TNNI3K: variants seen among roughly 807,000 people sequenced by gnomAD.
TNNI3K encodes the protein TNNI3 interacting kinase, also known as serine/threonine-protein kinase TNNI3K.
TNNI3K carries 140 observed loss-of-function variants against 114.5 expected under a neutral mutation model. The observed-to-expected ratio is 1.22, with a 90% CI of 1.07 to 1.41. The LOEUF (loss-of-function observed/expected upper bound fraction) is 1.41, where lower values mean the gene tolerates loss of function less well. Ranked by LOEUF, TNNI3K falls within the 40% of genes most tolerant of loss-of-function variation. The pLI is 0.00. For missense variants in TNNI3K, 1,125 were observed against 1,007.6 expected (o/e 1.12, Z -1.58); for synonymous variants, 347 against 347.5 (o/e 1.00, Z 0.02).
intron 5 of TNNI3K, among the ~76,000 whole-genome samples, chr1:74,297,514 T>TGTGTTTGC (rs1553128487): frequency 1.8e-5 from 2 of 113,240 alleles, no homozygotes; most frequent in African/African-American, 8.5e-5. Context: ...TTGTCCAGTG[T>TGTGTTTGC]GTGTGTGCGT....
At chr1:74,456,944 G>T (rs1294696485) in intron 20 of TNNI3K, among the ~76,000 whole-genome samples, 1 of 152,050 alleles carries the variant, frequency 6.6e-6, no homozygotes, top group African/African-American at 2.4e-5. Context: ...ATATTCAATA[G>T]GTCTCATATT....
chr1:74,507,301 G>A (rs575935689), intron 23 of TNNI3K, among the ~76,000 whole-genome samples: 2 of 144,664 alleles, frequency 1.4e-5, no homozygotes, highest in South Asian at 2.2e-4. Flanking sequence ...GTCTCCTCCT[G>A]TAGGAAGTTG....
At chr1:74,287,060 A>C (rs1356120356) in intron 5 of TNNI3K, among the ~76,000 whole-genome samples, 1 of 151,686 alleles carries the variant, frequency 6.6e-6, no homozygotes, top group East Asian at 1.9e-4. Flanking sequence ...ATTGAACTAA[A>C]AAATTTCACA....
At chr1:74,277,955 G>A (rs1213670325) in intron 5 of TNNI3K, among the ~76,000 whole-genome samples, 1 of 152,058 alleles carries the variant, frequency 6.6e-6, no homozygotes, top group Non-Finnish European at 1.5e-5. Context: ...TGATTTCAAG[G>A]TAATGCACTC....
intron 20 of TNNI3K, among the ~76,000 whole-genome samples, chr1:74,458,061 T>C (rs1438670023): frequency 2.0e-5 from 3 of 152,164 alleles, no homozygotes; most frequent in African/African-American, 4.8e-5. Flanking sequence ...GGTAAGACTT[T>C]TAGATGTGCA....
intron 17 of TNNI3K, chr1:74,370,977 G>A (rs1662565649): frequency 6.6e-6 from 1 of 151,912 alleles, no homozygotes; most frequent in Non-Finnish European, 1.5e-5. Flanking sequence ...ATGGAGCAGT[G>A]TTGGGTGAAG....
At chr1:74,459,540 T>C (rs1278294599) in intron 20 of TNNI3K, among the ~76,000 whole-genome samples, 2 of 152,130 alleles carry the variant, frequency 1.3e-5, no homozygotes, top group Non-Finnish European at 2.9e-5. Flanking sequence ...AACTGAACCA[T>C]AAAATGCAGT....
In TNNI3K at chr1:74,297,522, CGTGTGTGT is replaced by C. The variant is rs10633137; in HGVS notation, c.444+25839_444+25846del. ...TGGCATCTTGTCCAGTGTGTGTGTGCGTGTGTGTGTGTGTGTGTGTGTGTGTGTGTGTA... is the reference window on the plus strand; with the variant it reads ...TGGCATCTTGTCCAGTGTGTGTGTGCGTGTGTGTGTGTGTGTGTGTGTGTA... On this transcript the variant is annotated intron_variant, in intron 5 of 24. Transcript: ENST00000326637. Among the ~76,000 whole-genome samples, 8 of 145,352 alleles carry C rather than the reference CGTGTGTGT, an allele frequency of 5.5e-5. No individual in the cohort carries two copies. The East Asian group carries it at 1.2e-3, about 22-fold the overall frequency.
At chr1:74,480,541 A>G in intron 21 of TNNI3K, 1 of 717,412 alleles carries the variant, frequency 1.4e-6, no homozygotes, top group East Asian at 2.7e-5. Flanking sequence ...CATCTTTCCC[A>G]ATGTAGGAAA....
At chr1:74,477,505 A>T (rs1373845796) in intron 21 of TNNI3K, among the ~76,000 whole-genome samples, 3 of 152,210 alleles carry the variant, frequency 2.0e-5, no homozygotes, top group Non-Finnish European at 4.4e-5. Context: ...CATTATGATG[A>T]TATTTTAAAT....
intron 5 of TNNI3K, among the ~76,000 whole-genome samples, chr1:74,305,346 T>C (rs191798734): frequency 1.3e-5 from 2 of 152,156 alleles, no homozygotes; most frequent in African/African-American, 4.8e-5. Flanking sequence ...TTTTGGAACA[T>C]GCTTTCAGGA....
In TNNI3K at chr1:74,343,153, C is replaced by T. The variant is rs762525642; in HGVS notation, c.906C>T (p.Asn302=). 10 of 1,612,436 alleles carry T rather than the reference C, an allele frequency of 6.2e-6. No homozygotes were observed. The East Asian group carries it at 1.6e-4, about 25-fold the overall frequency. Residue 302 remains asparagine (N), a synonymous_variant, in exon 9 of 25, where the codon AAC becomes AAT. Coordinates refer to ENST00000326637, the MANE Select transcript of TNNI3K (RefSeq NM_015978.3). ...GAACAGAAAGTCTGACTAAGGAAAA[C>T]ATCTTCAGTGAAACAGCTTTTCATA... The part of the protein sequence containing the change: ...ISGTESLTKE[N]IFSETAFHSA...
intron 21 of TNNI3K, chr1:74,483,317 T>G (rs1668594675): frequency 1.4e-6 from 1 of 717,370 alleles, no homozygotes; most frequent in Admixed American, 2.0e-5. Context: ...ACACCACACA[T>G]GACTCAGGGC....
chr1:74,246,520 G>A (rs1264466461), intron 2 of TNNI3K, among the ~76,000 whole-genome samples: 6 of 152,118 alleles, frequency 3.9e-5, no homozygotes, highest in Non-Finnish European at 7.4e-5. Context: ...GAGCTGCTTC[G>A]GCTTTTCTTC....
rs45570835 is a variant in TNNI3K at position 74,384,587 on chromosome 1, T to C, written c.1772+14195T>C. On this transcript the variant is annotated intron_variant, in intron 17 of 24. Transcript: ENST00000326637. ...CATTTTATTTTCTAACCTGCAGCAT[T>C]TCTATGCCTGACTGGAATATTTTTG... 2.4e-3 allele frequency among the ~76,000 whole-genome samples: 360 copies of C among 152,278 alleles called. 1 individual carries two copies. The highest frequency in any genetic ancestry group is 8.0e-3 in the African/African-American group (333 of 41,572).
chr1:74,416,017 G>C (rs1665099851), intron 17 of TNNI3K, among the ~76,000 whole-genome samples: 1 of 152,134 alleles, frequency 6.6e-6, no homozygotes, highest in Admixed American at 6.5e-5. Context: ...AGTCTTCTAG[G>C]ATGACCCAGT....
intron 17 of TNNI3K, among the ~76,000 whole-genome samples, chr1:74,380,742 C>T (rs1454902153): frequency 1.3e-5 from 2 of 152,144 alleles, no homozygotes; most frequent in African/African-American, 4.8e-5. Flanking sequence ...TGTGAATGCC[C>T]TCTTGGCACC....
chr1:74,475,960 C>A (rs1032689238), intron 21 of TNNI3K: 2 of 438,622 alleles, frequency 4.6e-6, no homozygotes, highest in Non-Finnish European at 8.1e-6. Context: ...AATATCAGTC[C>A]AGACAGAGGC....
At chr1:74,368,955 C>T (rs1662435928) in intron 13 of TNNI3K, 67 bp from the exon 14 acceptor site, 1 of 1,230,468 alleles carries the variant, frequency 8.1e-7, no homozygotes, top group Non-Finnish European at 1.1e-6. Context: ...TATATATATG[C>T]ACATGTATAC....
Sources: gnomAD v4.1 joint callset for allele counts (sites outside exome capture counted in the v4.1 genomes callset) on GRCh38, gnomAD v4.1.1 for gene constraint, MANE v1.5 for transcripts, NCBI Gene and HGNC (gene_info 2026-07-23, HGNC 2026-07-21) for gene names.